The following FBXO4 variants were observed in gnomAD, a reference collection of about 807,000 sequenced individuals.
The protein encoded by FBXO4 is F-box protein 4.
In FBXO4, 36 loss-of-function variants were observed where a neutral mutation model predicts 43.7. The observed-to-expected ratio is 0.82, with a 90% CI of 0.63 to 1.09. The LOEUF (loss-of-function observed/expected upper bound fraction) is 1.09. Ranked by LOEUF, FBXO4 falls within the 50% of genes least tolerant of loss-of-function variation. The pLI is 0.00. For missense variants in FBXO4, 435 were observed against 474.1 expected, an observed-to-expected ratio of 0.92 and a Z score of 0.77; for synonymous variants, 180 against 165.6, an observed-to-expected ratio of 1.09 and a Z score of -0.67.
chr5:41,975,384 CT>C, the FBXO4 span, among the ~76,000 whole-genome samples: 3 of 152,220 alleles, frequency 2.0e-5, no homozygotes, highest in East Asian at 5.8e-4. Context: ...TCTCTCTAAT[CT>C]ACAGTAGAAG....
the FBXO4 span, among the ~76,000 whole-genome samples, chr5:42,011,033 A>T: frequency 1.4e-4 from 21 of 152,166 alleles, no homozygotes; most frequent in South Asian, 8.3e-4. Flanking sequence ...CCTAGCCCCC[A>T]ACCCAGTGAC....
At chr5:41,951,937 C>G in the FBXO4 span, 1 of 318,952 alleles carries the variant, frequency 3.1e-6, no homozygotes, top group Admixed American at 3.4e-5. Context: ...TTCAGCACAG[C>G]CTGGTGGTCA....
the FBXO4 span, among the ~76,000 whole-genome samples, chr5:41,960,145 A>T: frequency 6.6e-6 from 1 of 151,568 alleles, no homozygotes; most frequent in African/African-American, 2.4e-5. Context: ...TGTTTTCTTG[A>T]TTTTTTTATT....
chr5:41,935,017 C>T, intron 5 of FBXO4: 9 of 985,076 alleles, frequency 9.1e-6, no homozygotes, highest in Non-Finnish European at 1.1e-5. Flanking sequence ...ATCTGTTAGG[C>T]ATGAAAGCAG....
At chr5:41,973,704 A>G in the FBXO4 span, among the ~76,000 whole-genome samples, 10 of 152,192 alleles carry the variant, frequency 6.6e-5, no homozygotes, top group African/African-American at 2.4e-4. Context: ...AACTTAAAAC[A>G]GGACTATCAT....
At chr5:41,978,690 C>A in the FBXO4 span, among the ~76,000 whole-genome samples, 745 of 152,150 alleles carry the variant, frequency 4.9e-3, 7 homozygotes, top group African/African-American at 0.017. Context: ...TCTGTAGACA[C>A]CTAACTTTCC....
At chr5:42,021,806 CAT>C in the FBXO4 span, among the ~76,000 whole-genome samples, 3 of 151,962 alleles carry the variant, frequency 2.0e-5, no homozygotes, top group Admixed American at 1.3e-4. Context: ...AATTCAGGTA[CAT>C]ATTTTTAAAG....
chr5:42,033,751 T>C, the FBXO4 span, among the ~76,000 whole-genome samples: 46 of 152,230 alleles, frequency 3.0e-4, no homozygotes, highest in African/African-American at 1.0e-3. Flanking sequence ...GGTGTATATG[T>C]ATGACATTTT....
the FBXO4 span, among the ~76,000 whole-genome samples, chr5:42,012,042 T>C: frequency 9.9e-5 from 15 of 152,188 alleles, no homozygotes; most frequent in African/African-American, 3.1e-4. Flanking sequence ...AACATTTATA[T>C]AGGAATTGAG....
chr5:41,961,388 T>C, the FBXO4 span, among the ~76,000 whole-genome samples: 2 of 152,146 alleles, frequency 1.3e-5, no homozygotes, highest in African/African-American at 4.8e-5. Flanking sequence ...CACTGGTGTC[T>C]GATCATGGTG....
the FBXO4 span, among the ~76,000 whole-genome samples, chr5:41,985,333 A>G: frequency 6.6e-6 from 1 of 152,188 alleles, no homozygotes; most frequent in African/African-American, 2.4e-5. Context: ...TTCAGGCAAT[A>G]TGAGTAAATA....
chr5:42,006,910 A>G, the FBXO4 span, among the ~76,000 whole-genome samples: 7 of 141,622 alleles, frequency 4.9e-5, no homozygotes, highest in African/African-American at 1.9e-4. Context: ...ATATATATAT[A>G]TATATATGTA....
chr5:41,967,729 A>G, the FBXO4 span: 1 of 622,428 alleles, frequency 1.6e-6, no homozygotes, highest in Non-Finnish European at 3.1e-6. Flanking sequence ...AAAGCCATCA[A>G]CATCCTTATC....
intron 6 of FBXO4, 86 bp from the exon 7 acceptor site, chr5:41,941,106 T>A: frequency 1.0e-6 from 1 of 1,002,638 alleles, no homozygotes; most frequent in South Asian, 1.5e-5. Context: ...CTGTTATCTT[T>A]TTAGTGTCTA....
At chr5:42,015,876 T>A in the FBXO4 span, among the ~76,000 whole-genome samples, 7 of 152,148 alleles carry the variant, frequency 4.6e-5, no homozygotes, top group East Asian at 1.3e-3. Flanking sequence ...CATCTGTGGT[T>A]AATACTAGAA....
chr5:42,037,026 A>G, the FBXO4 span, among the ~76,000 whole-genome samples: 1 of 152,162 alleles, frequency 6.6e-6, no homozygotes, highest in East Asian at 1.9e-4. Flanking sequence ...CAGAAAAGGG[A>G]GCGCTCTCCA....
chr5:41,960,521 T>C, the FBXO4 span, among the ~76,000 whole-genome samples: 1 of 152,132 alleles, frequency 6.6e-6, no homozygotes, highest in African/African-American at 2.4e-5. Context: ...TGAGGTACAT[T>C]TCTTCTATAT....
At chr5:41,995,589 G>A in the FBXO4 span, among the ~76,000 whole-genome samples, 4 of 152,256 alleles carry the variant, frequency 2.6e-5, no homozygotes, top group South Asian at 8.3e-4. Flanking sequence ...AGGGGTGTCT[G>A]GGGAAAGAGG....
At chr5:42,007,902 C>A in the FBXO4 span, among the ~76,000 whole-genome samples, 780 of 152,080 alleles carry the variant, frequency 5.1e-3, 9 homozygotes, top group African/African-American at 0.018. Flanking sequence ...TCTACTCAAG[C>A]AAAACTTTTT....
Sources: allele counts gnomAD v4.1 joint callset (sites outside exome capture counted in the v4.1 genomes callset), GRCh38; gene constraint gnomAD v4.1.1; transcripts MANE v1.5; gene names NCBI Gene and HGNC (gene_info 2026-07-23, HGNC 2026-07-21).